NINL: variants seen among roughly 807,000 people sequenced by gnomAD.
The protein encoded by NINL is ninein-like protein.
NINL carries 153 observed loss-of-function variants against 160.3 expected under a neutral mutation model. The ratio of observed to expected loss-of-function variants is 0.95; its 90% CI spans 0.84 to 1.09. The LOEUF is 1.09. Among genes scored for constraint, NINL ranks in the 50% least tolerant of loss-of-function variants. The pLI, the probability that NINL is intolerant of heterozygous loss-of-function variation, is 0.00. For missense variants in NINL, 1,829 were observed against 1,764.0 expected (o/e 1.04, Z -0.66); for synonymous variants, 800 against 734.8 (o/e 1.09, Z -1.43).
intron 1 of NINL, among the ~76,000 whole-genome samples, chr20:25,579,593 C>T (rs2065151081): frequency 6.6e-6 from 1 of 152,266 alleles, no homozygotes; most frequent in African/African-American, 2.4e-5. Context: ...CCTCTGGAGA[C>T]AGCCGGGGGA....
At chr20:25,483,493 A>C (rs2063442084) in intron 13 of NINL, among the ~76,000 whole-genome samples, 1 of 152,284 alleles carries the variant, frequency 6.6e-6, no homozygotes, top group Non-Finnish European at 1.5e-5. Flanking sequence ...CTGAATTTGC[A>C]AAGGGTTCTG....
At position 25,476,545 on chromosome 20, in the gene NINL, C is replaced by T. The variant is rs2063246901; in HGVS notation, c.2746G>A (p.Gly916Arg). Residue 916 changes from glycine to arginine, a missense_variant, in exon 17 of 24, where the codon GGG (glycine) becomes AGG (arginine). Physicochemically the swap from Gly to Arg is moderately radical, Grantham distance 125. Coordinates refer to ENST00000278886, the MANE Select transcript of NINL (RefSeq NM_025176.6). ...TCTGGCTCCTTTGGGACAATATCCCCATCCACTCCACAGGGCTGCATGCGT... is the reference window on the plus strand; with the variant it reads ...TCTGGCTCCTTTGGGACAATATCCCTATCCACTCCACAGGGCTGCATGCGT... ...WSRMQPCGVD[G>R]DIVPKEPEPF... 3 of 1,600,050 alleles carry T rather than the reference C, an allele frequency of 1.9e-6. No individual in the cohort carries two copies. Among genetic ancestry groups the T allele is most frequent in the Non-Finnish European group, 2.5e-6 (3 of 1,179,840 alleles).
At chr20:25,514,029 T>C (rs887257397) in intron 3 of NINL, among the ~76,000 whole-genome samples, 4 of 152,142 alleles carry the variant, frequency 2.6e-5, no homozygotes, top group African/African-American at 7.2e-5. Flanking sequence ...AGCTTTGGAA[T>C]TGGATAACAG....
At chr20:25,542,012 T>C (rs938646438) in intron 1 of NINL, among the ~76,000 whole-genome samples, 23 of 152,334 alleles carry the variant, frequency 1.5e-4, no homozygotes, top group African/African-American at 5.3e-4. Context: ...CTTATGGGCC[T>C]GCTACCATCC....
intron 1 of NINL, among the ~76,000 whole-genome samples, chr20:25,552,963 G>A (rs1041680825): frequency 5.3e-5 from 8 of 152,228 alleles, no homozygotes; most frequent in Non-Finnish European, 8.8e-5. Context: ...AAGTGCTGGT[G>A]CAGGTGAGGC....
intron 7 of NINL, 132 bp downstream of exon 7, chr20:25,503,820 G>T: frequency 9.4e-7 from 1 of 1,064,194 alleles, no homozygotes; most frequent in Non-Finnish European, 1.4e-6. Context: ...ATACATGCGT[G>T]TGTGCATGGC....
intron 21 of NINL, among the ~76,000 whole-genome samples, chr20:25,459,581 G>A (rs2090785201): frequency 6.6e-6 from 1 of 152,172 alleles, no homozygotes; most frequent in African/African-American, 2.4e-5. Flanking sequence ...GCCCAGGCCT[G>A]CGGGACTCCC....
intron 17 of NINL, 38 bp from the exon 18 acceptor site, chr20:25,470,133 G>T: frequency 6.5e-7 from 1 of 1,541,152 alleles, no homozygotes; most frequent in South Asian, 1.1e-5. Context: ...GAGCACTTGG[G>T]GAGCCACATG....
In NINL at chr20:25,477,012, T is replaced by A. The variant is rs1442121125; in HGVS notation, c.2279A>T (p.Glu760Val). 2 of 1,601,180 alleles carry A rather than the reference T, an allele frequency of 1.2e-6. No homozygotes were observed. Among genetic ancestry groups the A allele is most frequent in the Non-Finnish European group, 1.7e-6 (2 of 1,179,706 alleles). ...ALPARRDLTL[E>V]LEEPPQGPLP... ...GGGTCCCTGCGGCGGCTCCTCCAGC[T>A]CCAAGGTCAGGTCTCTGCGAGCGGG... The change falls in exon 17 of 24, where the codon GAG (glutamate) becomes GTG (valine). Residue 760 changes from glutamate to valine, a missense_variant. Transcript: ENST00000278886.
chr20:25,561,823 G>A (rs988719967), intron 1 of NINL, among the ~76,000 whole-genome samples: 1 of 151,556 alleles, frequency 6.6e-6, no homozygotes, highest in Non-Finnish European at 1.5e-5. Flanking sequence ...GAAGTGAGGA[G>A]CCCCTCCGCC....
intron 13 of NINL, among the ~76,000 whole-genome samples, chr20:25,487,984 A>T (rs1211016166): frequency 6.6e-6 from 1 of 152,176 alleles, no homozygotes; most frequent in Non-Finnish European, 1.5e-5. Flanking sequence ...GTGAGCAGGG[A>T]GGGGAAGAAA....
At chr20:25,510,977 C>T (rs1432857696) in intron 4 of NINL, among the ~76,000 whole-genome samples, 1 of 152,204 alleles carries the variant, frequency 6.6e-6, no homozygotes, top group Non-Finnish European at 1.5e-5. Context: ...GGGGACATGC[C>T]TTGTTCTGCA....
At chr20:25,563,183 C>G (rs951901908) in intron 1 of NINL, among the ~76,000 whole-genome samples, 2 of 152,098 alleles carry the variant, frequency 1.3e-5, no homozygotes, top group African/African-American at 4.8e-5. Context: ...CTAAGAGCTA[C>G]ATAAATAGAC....
At chr20:25,499,360 G>A (rs1216795383) in intron 8 of NINL, 1 of 414,286 alleles carries the variant, frequency 2.4e-6, no homozygotes, top group Non-Finnish European at 3.2e-6. Context: ...TGAAGCGAGG[G>A]AGAAGCCACC....
intron 19 of NINL, among the ~76,000 whole-genome samples, chr20:25,463,944 T>C (rs1219935818): frequency 1.3e-5 from 2 of 152,230 alleles, no homozygotes; most frequent in Admixed American, 6.5e-5. Flanking sequence ...GTGTATGGTA[T>C]AGAGCTCATG....
intron 1 of NINL, among the ~76,000 whole-genome samples, chr20:25,528,769 A>G (rs1000118747): frequency 2.6e-5 from 4 of 152,220 alleles, no homozygotes. Context: ...GGTTCAGCCT[A>G]TAAGGTAGGC....
intron 1 of NINL, among the ~76,000 whole-genome samples, chr20:25,530,672 G>C (rs939711694): frequency 6.6e-6 from 1 of 152,060 alleles, no homozygotes; most frequent in African/African-American, 2.4e-5. Flanking sequence ...TCACATGTTG[G>C]TAGGTTCCGT....
chr20:25,567,795 C>T (rs2065012068), intron 1 of NINL, among the ~76,000 whole-genome samples: 1 of 151,974 alleles, frequency 6.6e-6, no homozygotes, highest in African/African-American at 2.4e-5. Context: ...CGAAAATCTC[C>T]ATGCACTTGA....
chr20:25,571,257 A>C (rs1274967558), intron 1 of NINL, among the ~76,000 whole-genome samples: 1 of 152,232 alleles, frequency 6.6e-6, no homozygotes, highest in African/African-American at 2.4e-5. Context: ...TCATAGCCAC[A>C]GTACTGCTCA....
Sources: gnomAD v4.1 joint callset for allele counts (sites outside exome capture counted in the v4.1 genomes callset) on GRCh38, gnomAD v4.1.1 for gene constraint, MANE v1.5 for transcripts, NCBI Gene and HGNC (gene_info 2026-07-23, HGNC 2026-07-21) for gene names.